Variants in PCBD1 observed in about 807,000 individuals in gnomAD.
PCBD1 encodes the protein pterin-4-alpha-carbinolamine dehydratase.
PCBD1 carries 16 observed loss-of-function variants against 12.6 expected under a neutral mutation model. That is an observed-to-expected ratio of 1.27 (90% CI 0.86 to 1.93). The LOEUF (loss-of-function observed/expected upper bound fraction) is 1.93, where lower values mean the gene tolerates loss of function less well. Ranked by LOEUF, PCBD1 falls within the 30% of genes most tolerant of loss-of-function variation. The pLI is 0.00. For missense variants in PCBD1, 86 were observed against 130.1 expected (o/e 0.66, Z 1.65); for synonymous variants, 53 against 50.2 (o/e 1.05, Z -0.23).
chr10:70,884,974 CA>C (rs1471068081), intron 3 of PCBD1, among the ~76,000 whole-genome samples, 177 bp downstream of exon 3: 2 of 150,990 alleles, frequency 1.3e-5, no homozygotes, highest in Admixed American at 6.6e-5. Context: ...TTTTTTTTCC[CA>C]GGGGTATTTA....
rs1359316700 is a variant in PCBD1, at chr10:70,883,754, G to T, written c.*196C>A. 6.8e-6 allele frequency: 10 copies of T among 1,464,784 alleles called. No homozygotes were observed. The East Asian group carries it at 2.3e-4, about 34-fold the overall frequency. 90.7% of individuals were successfully genotyped at this position (1,464,784 alleles called of 1,614,324 possible). The stretch of plus-strand genomic sequence containing the variant: ...ACAGAGCCCCCAGGATGAAGAGAGT[G>T]GTGCAGGGAAAAGGTCTAAATTCCT... On this transcript the variant is annotated 3_prime_UTR_variant, in exon 4 of 4. Transcript: ENST00000299299.
rs182390155 is a variant in PCBD1, at chr10:70,884,643, G to A, written c.216+509C>T. 4.8e-3 allele frequency among the ~76,000 whole-genome samples: 729 copies of A among 152,022 alleles called. 5 individuals are homozygous for A. Among genetic ancestry groups the A allele is most frequent in the African/African-American group, 0.016 (651 of 41,466 alleles). On this transcript the variant is annotated intron_variant, in intron 3 of 3. Transcript: ENST00000299299. ...ACTACAGGCGTCCACCACCGCGCCC[G>A]CCTAATTTTTTTGTGTTTTTAGTAG...
downstream of PCBD1, among the ~76,000 whole-genome samples, chr10:70,882,939 G>A (rs1271574626): frequency 6.7e-6 from 1 of 149,762 alleles, no homozygotes; most frequent in African/African-American, 2.4e-5. Flanking sequence ...AATCTAAAAT[G>A]ATCCAATGAG....
rs560647093 is a variant in PCBD1, at chr10:70,883,917, C to T, written c.*33G>A. 3.3e-5 allele frequency: 53 copies of T among 1,602,352 alleles called. No homozygotes were observed. Among genetic ancestry groups the T allele is most frequent in the Admixed American group, 3.2e-4 (19 of 58,556 alleles). ...TGGACTCCCAGTTCAGTCACCCCTT[C>T]CCCCGGAAGAATTCAAAGAGGAAGG... is the stretch of plus-strand genomic sequence containing the variant. On this transcript the variant is annotated 3_prime_UTR_variant, in exon 4 of 4. Transcript: ENST00000299299.
At chr10:70,883,291 A>T (rs1846526574), downstream of PCBD1, among the ~76,000 whole-genome samples, 1 of 152,202 alleles carries the variant, frequency 6.6e-6, no homozygotes, top group Admixed American at 6.5e-5. Context: ...AGTACTAGTT[A>T]ATTGGTAATT....
intron 3 of PCBD1, among the ~76,000 whole-genome samples, chr10:70,884,642 C>T (rs543798864): frequency 3.9e-5 from 6 of 152,132 alleles, no homozygotes; most frequent in African/African-American, 4.8e-5. Flanking sequence ...CCACCGCGCC[C>T]GCCTAATTTT....
In PCBD1 at chr10:70,885,379, TG is replaced by T. The variant is rs918949555; in HGVS notation, c.136-148del. 2.7e-4 allele frequency: 196 copies of T among 714,892 alleles called. 2 individuals carry two copies. The African/African-American group carries it at 3.1e-3, about 11-fold the overall frequency. The allele number at this position is 714,892 out of a possible 1,614,324, so 44.3% of individuals were successfully genotyped here. On this transcript the variant is annotated intron_variant, in intron 2 of 3. Transcript: ENST00000299299. ...CATTTCCCCCTTGACATCCTGTCAC[TG>T]GTTCTCAGGCTTGAGTTAGAGATTG...
At chr10:70,882,980 A>G (rs1218372435), downstream of PCBD1, among the ~76,000 whole-genome samples, 1 of 152,212 alleles carries the variant, frequency 6.6e-6, no homozygotes, top group African/African-American at 2.4e-5. Context: ...TTGGCATTCA[A>G]AAAGTTTCAG....
chr10:70,882,392 G>C (rs151244889), downstream of PCBD1: 3 of 152,228 alleles, frequency 2.0e-5, no homozygotes, highest in Admixed American at 2.0e-4. Context: ...TGTGATTATG[G>C]AGGCTGACAA....
chr10:70,886,520 T>C (rs547334933), intron 1 of PCBD1, among the ~76,000 whole-genome samples: 1 of 152,348 alleles, frequency 6.6e-6, no homozygotes, highest in South Asian at 2.1e-4. Context: ...CGCAGTGTTG[T>C]CTGTGTGTCA....
At position 70,885,804 on chromosome 10, in the gene PCBD1, G is replaced by T. The variant is rs1334433346; in HGVS notation, c.129C>A (p.Phe43Leu). 1 of 1,613,930 alleles carries T rather than the reference G, an allele frequency of 6.2e-7. No homozygotes were observed. The highest frequency in any genetic ancestry group is 2.2e-5 in the East Asian group (1 of 44,894). Residue 43 changes from phenylalanine (F) to leucine (L), a missense_variant, in exon 2 of 4, where the codon TTC becomes TTA. By Grantham distance (22) the Phe-to-Leu change is conservative. Coordinates refer to ENST00000299299, the MANE Select transcript of PCBD1 (RefSeq NM_000281.4). Reference protein sequence around the residue: ...AIFKQFHFKDFNRAFGFMTRV... With the variant: ...AIFKQFHFKDLNRAFGFMTRV... ...TCCCACCCTGGTGCCATACCCTGTTGAAGTCTTTGAAATGAAACTGCTTGA... is the reference window on the plus strand; with the variant it reads ...TCCCACCCTGGTGCCATACCCTGTTTAAGTCTTTGAAATGAAACTGCTTGA...
At chr10:70,884,718 G>A (rs768762419) in intron 3 of PCBD1, among the ~76,000 whole-genome samples, 3 of 151,998 alleles carry the variant, frequency 2.0e-5, no homozygotes, top group African/African-American at 4.8e-5. Context: ...TCCTGACCTC[G>A]TGATCTGCCC....
chr10:70,883,889 C>G lies in PCBD1; in HGVS notation c.*61G>C. On this transcript the variant is annotated 3_prime_UTR_variant, in exon 4 of 4. Transcript: ENST00000299299. Reference sequence around the variant, plus strand: ...GAGGGTAAGGGCTCCTCAGCTCCCTCCCTGGACTCCCAGTTCAGTCACCCC... The same window carrying G: ...GAGGGTAAGGGCTCCTCAGCTCCCTGCCTGGACTCCCAGTTCAGTCACCCC... 3 of 1,574,826 alleles carry G rather than the reference C, an allele frequency of 1.9e-6. No homozygotes were observed. Among genetic ancestry groups the G allele is most frequent in the Non-Finnish European group, 2.6e-6 (3 of 1,158,794 alleles).
chr10:70,882,638 A>G (rs1452655851), downstream of PCBD1, among the ~76,000 whole-genome samples: 4 of 152,172 alleles, frequency 2.6e-5, no homozygotes, highest in African/African-American at 9.7e-5. Flanking sequence ...ACCTGGTTGA[A>G]TGAGGCCACC....
chr10:70,888,245 C>G (rs548986297), intron 1 of PCBD1: 19 of 338,030 alleles, frequency 5.6e-5, no homozygotes, highest in Admixed American at 3.5e-4. Flanking sequence ...CCAGGAAGGT[C>G]GTAGGCCCCG....
At chr10:70,887,385 TC>T (rs1046158548) in intron 1 of PCBD1, among the ~76,000 whole-genome samples, 1 of 152,142 alleles carries the variant, frequency 6.6e-6, no homozygotes, top group Non-Finnish European at 1.5e-5. Context: ...TCTCTTCCCC[TC>T]GGCTCTGGAT....
At chr10:70,888,413 C>A in intron 1 of PCBD1, 118 bp downstream of exon 1, 2 of 1,196,138 alleles carry the variant, frequency 1.7e-6, no homozygotes, top group Non-Finnish European at 1.1e-6. Context: ...CACTTTCGGA[C>A]CCCGGCGGCT....
Position 70,883,556 on chromosome 10 carries a change from T to G in PCBD1, c.*394A>C, listed in dbSNP as rs1846530320. On this transcript the variant is annotated 3_prime_UTR_variant, in exon 4 of 4. Coordinates refer to ENST00000299299, the MANE Select transcript of PCBD1 (RefSeq NM_000281.4). ...TTTGAGACATAAAAACACATGTGTT[T>G]CTATTACATAGTGTGGGGTTTAGGG... is the stretch of plus-strand genomic sequence containing the variant. 2 of 1,115,362 alleles carry G rather than the reference T, an allele frequency of 1.8e-6. No individual in the cohort carries two copies. Among genetic ancestry groups the G allele is most frequent in the African/African-American group, 3.2e-5 (2 of 62,032 alleles). The allele number at this position is 1,115,362 out of a possible 1,614,324, so 69.1% of individuals were successfully genotyped here. A position where few individuals can be genotyped will look rare whatever the true frequency, so the allele number is the denominator to read the frequency against.
intron 1 of PCBD1, 75 bp downstream of exon 1, chr10:70,888,456 C>A: frequency 1.4e-6 from 2 of 1,443,158 alleles, no homozygotes; most frequent in South Asian, 1.3e-5. Context: ...TTCCCCCGCC[C>A]CTTCCCGCTC....
Sources: gnomAD v4.1 joint callset for allele counts (sites outside exome capture counted in the v4.1 genomes callset) on GRCh38, gnomAD v4.1.1 for gene constraint, MANE v1.5 for transcripts, NCBI Gene and HGNC (gene_info 2026-07-23, HGNC 2026-07-21) for gene names.